SNAP91: variants seen among roughly 807,000 people sequenced by gnomAD.
SNAP91 encodes clathrin coat assembly protein AP180.
SNAP91 carries 27 observed loss-of-function variants against 100.3 expected under a neutral mutation model. That is an observed-to-expected ratio of 0.27 (90% CI 0.20 to 0.37). The LOEUF is 0.37. SNAP91 is among the 10% of genes least tolerant of loss of function. The pLI is 1.00. For missense variants in SNAP91, 986 were observed against 1,123.7 expected (o/e 0.88, Z 1.75); for synonymous variants, 404 against 398.6 (o/e 1.01, Z -0.16).
At chr6:83,602,172 C>G (rs2095294927) in intron 14 of SNAP91, among the ~76,000 whole-genome samples, 1 of 152,124 alleles carries the variant, frequency 6.6e-6, no homozygotes, top group South Asian at 2.1e-4. Flanking sequence ...AAAAAATCCT[C>G]TGTATTCTTT....
At chr6:83,650,077 A>G (rs2098132321) in intron 7 of SNAP91, among the ~76,000 whole-genome samples, 1 of 152,092 alleles carries the variant, frequency 6.6e-6, no homozygotes, top group South Asian at 2.1e-4. Flanking sequence ...TTCCAGATGA[A>G]TATTATTCAT....
chr6:83,614,804 T>G, intron 11 of SNAP91, 53 bp downstream of exon 11: 1 of 1,397,564 alleles, frequency 7.2e-7, no homozygotes, highest in Non-Finnish European at 9.8e-7. Context: ...AGAGTGTTTT[T>G]TGCATTTTTA....
intron 2 of SNAP91, chr6:83,678,936 A>G: frequency 9.4e-7 from 1 of 1,065,730 alleles, no homozygotes; most frequent in South Asian, 2.0e-5. Context: ...AAGAAATAAT[A>G]TCTAAGTGAA....
chr6:83,641,746 A>C (rs2097711453), intron 7 of SNAP91, among the ~76,000 whole-genome samples: 1 of 152,180 alleles, frequency 6.6e-6, no homozygotes, highest in Non-Finnish European at 1.5e-5. Flanking sequence ...TTTATTTATA[A>C]AACAGTAGAC....
At chr6:83,619,382 G>C (rs2096623652) in intron 9 of SNAP91, among the ~76,000 whole-genome samples, 1 of 152,190 alleles carries the variant, frequency 6.6e-6, no homozygotes, top group Non-Finnish European at 1.5e-5. Context: ...TGGCAGTGAG[G>C]ACATCCGGGC....
intron 26 of SNAP91, among the ~76,000 whole-genome samples, chr6:83,565,017 C>T (rs768448759): frequency 1.8e-4 from 27 of 150,424 alleles, no homozygotes; most frequent in Admixed American, 4.7e-4. Context: ...ATCTGATAAG[C>T]ATCTAGTATC....
chr6:83,659,181 C>T, intron 5 of SNAP91, 89 bp from the exon 6 acceptor site: 1 of 932,032 alleles, frequency 1.1e-6, no homozygotes, highest in South Asian at 1.6e-5. Context: ...TCCCCCACAC[C>T]ACCCCATTTC....
chr6:83,673,616 A>T (rs2098819328), intron 2 of SNAP91, among the ~76,000 whole-genome samples: 1 of 152,236 alleles, frequency 6.6e-6, no homozygotes, highest in Non-Finnish European at 1.5e-5. Flanking sequence ...AAACAGAAAT[A>T]AATTGTTGCT....
At chr6:83,684,514 C>T (rs2099034799) in intron 2 of SNAP91, among the ~76,000 whole-genome samples, 1 of 152,134 alleles carries the variant, frequency 6.6e-6, no homozygotes, top group African/African-American at 2.4e-5. Flanking sequence ...ACCTTCTTTG[C>T]AAGCTTCCTT....
intron 26 of SNAP91, among the ~76,000 whole-genome samples, chr6:83,574,600 ATAAAATGATCAATGACATT>A (rs1814868784): frequency 6.6e-6 from 1 of 152,168 alleles, no homozygotes; most frequent in South Asian, 2.1e-4. Flanking sequence ...GATAAGATAG[ATAAAATGATCAATGACATT>A]AAGTGCTTTT....
At chr6:83,698,971 C>A (rs1450891604) in intron 2 of SNAP91, among the ~76,000 whole-genome samples, 1 of 152,124 alleles carries the variant, frequency 6.6e-6, no homozygotes, top group Non-Finnish European at 1.5e-5. Context: ...TTTTGGTTTT[C>A]TGAGCATTTT....
intron 26 of SNAP91, among the ~76,000 whole-genome samples, chr6:83,567,258 C>T (rs1479522418): frequency 2.0e-5 from 3 of 152,110 alleles, no homozygotes; most frequent in Non-Finnish European, 4.4e-5. Flanking sequence ...TTGTCTAAAG[C>T]TTTTCTTTTA....
intron 2 of SNAP91, among the ~76,000 whole-genome samples, chr6:83,670,781 C>T (rs769052483): frequency 6.6e-6 from 1 of 151,820 alleles, no homozygotes; most frequent in Non-Finnish European, 1.5e-5. Context: ...CAGTGAATTG[C>T]CTTTGCATCT....
At chr6:83,567,490 A>C (rs1370437035) in intron 26 of SNAP91, among the ~76,000 whole-genome samples, 1 of 152,200 alleles carries the variant, frequency 6.6e-6, no homozygotes, top group African/African-American at 2.4e-5. Context: ...CAAAAGCCAA[A>C]ATTGACAAAT....
At chr6:83,655,243 C>T (rs986627857) in intron 7 of SNAP91, among the ~76,000 whole-genome samples, 1 of 152,122 alleles carries the variant, frequency 6.6e-6, no homozygotes, top group Non-Finnish European at 1.5e-5. Flanking sequence ...CTCTTTGTAA[C>T]TAAAAAGAGG....
chr6:83,663,184 C>T (rs913481144), intron 3 of SNAP91, among the ~76,000 whole-genome samples: 1 of 152,072 alleles, frequency 6.6e-6, no homozygotes, highest in Non-Finnish European at 1.5e-5. Flanking sequence ...TTCCTCAGGC[C>T]TCCTTATTCC....
intron 2 of SNAP91, among the ~76,000 whole-genome samples, chr6:83,669,341 T>C (rs2098742392): frequency 1.3e-5 from 2 of 152,028 alleles, no homozygotes; most frequent in Admixed American, 6.6e-5. Flanking sequence ...AAATAAAGTA[T>C]AGATACAAAC....
chr6:83,704,353 G>A (rs1193845501), intron 2 of SNAP91, among the ~76,000 whole-genome samples: 2 of 152,104 alleles, frequency 1.3e-5, no homozygotes, highest in Admixed American at 6.5e-5. Context: ...TGGAAAGAAA[G>A]TTTTACATAA....
chr6:83,602,349 C>T (rs2095313286), intron 14 of SNAP91, among the ~76,000 whole-genome samples: 1 of 151,936 alleles, frequency 6.6e-6, no homozygotes, highest in African/African-American at 2.4e-5. Context: ...TGTGTTGGTA[C>T]CTATAACCCC....
Sources: allele counts gnomAD v4.1 joint callset (sites outside exome capture counted in the v4.1 genomes callset), GRCh38; gene constraint gnomAD v4.1.1; transcripts MANE v1.5; gene names NCBI Gene and HGNC (gene_info 2026-07-23, HGNC 2026-07-21).